Variants in APP observed in about 807,000 individuals in gnomAD.
The protein encoded by APP is amyloid beta precursor protein.
Under a neutral mutation model 101.4 loss-of-function variants are expected in APP, and 31 were observed. That is an observed-to-expected ratio of 0.31 (90% CI 0.23 to 0.41). APP has a LOEUF of 0.41. Ranked by LOEUF, APP falls within the 10% of genes least tolerant of loss-of-function variation. The pLI, the probability that APP is intolerant of heterozygous loss-of-function variation, is 1.00. For synonymous variants in APP, 366 were observed against 364.4 expected (o/e 1.00, Z -0.05); for missense variants, 839 against 1,003.7 (o/e 0.84, Z 2.22).
At chr21:25,894,856 T>C (rs2037927973) in intron 16 of APP, among the ~76,000 whole-genome samples, 1 of 152,220 alleles carries the variant, frequency 6.6e-6, no homozygotes, top group African/African-American at 2.4e-5. Flanking sequence ...TCAAACAGCA[T>C]CACATGCTAC....
intron 1 of APP, among the ~76,000 whole-genome samples, chr21:26,165,307 G>T (rs891374463): frequency 1.3e-5 from 2 of 152,096 alleles, no homozygotes; most frequent in Non-Finnish European, 2.9e-5. Flanking sequence ...ATGCCATCAG[G>T]TTACATATAT....
intron 2 of APP, among the ~76,000 whole-genome samples, chr21:26,093,881 C>T (rs371269795): frequency 7.2e-4 from 109 of 152,128 alleles, no homozygotes; most frequent in African/African-American, 2.2e-3. Context: ...TTTGGGAGGC[C>T]GAGGCGGGCG....
intron 3 of APP, among the ~76,000 whole-genome samples, chr21:26,083,307 A>G (rs2061634293): frequency 6.6e-6 from 1 of 152,254 alleles, no homozygotes; most frequent in South Asian, 2.1e-4. Flanking sequence ...TGACCATAAA[A>G]AAGAGTAAAC....
intron 6 of APP, among the ~76,000 whole-genome samples, chr21:26,007,055 T>C (rs898225562): frequency 6.6e-6 from 1 of 152,032 alleles, no homozygotes; most frequent in Non-Finnish European, 1.5e-5. Flanking sequence ...GGAACTATAT[T>C]TTCTGAACTT....
chr21:26,095,138 C>G (rs973365444), intron 2 of APP, among the ~76,000 whole-genome samples: 4 of 152,174 alleles, frequency 2.6e-5, no homozygotes, highest in African/African-American at 9.7e-5. Context: ...GCCACCGTGC[C>G]CGGCCTATAT....
intron 1 of APP, among the ~76,000 whole-genome samples, chr21:26,145,781 A>T (rs2063142498): frequency 6.6e-6 from 1 of 152,160 alleles, no homozygotes; most frequent in African/African-American, 2.4e-5. Context: ...TTTTATATAA[A>T]TTACTGTTTA....
At chr21:25,945,030 G>A (rs1600982435) in intron 13 of APP, among the ~76,000 whole-genome samples, 1 of 152,318 alleles carries the variant, frequency 6.6e-6, no homozygotes, top group South Asian at 2.1e-4. Flanking sequence ...TTTGGCGTGG[G>A]AGACCATGCC....
At chr21:25,949,304 A>C (rs1175625401) in intron 13 of APP, among the ~76,000 whole-genome samples, 1 of 152,196 alleles carries the variant, frequency 6.6e-6, no homozygotes. Context: ...CAAGTAGATG[A>C]CCAAATAGCA....
At chr21:26,138,188 A>T (rs1374207137) in intron 1 of APP, among the ~76,000 whole-genome samples, 3 of 152,188 alleles carry the variant, frequency 2.0e-5, no homozygotes, top group African/African-American at 7.2e-5. Flanking sequence ...GAATTATTTT[A>T]AAATGCTTCA....
chr21:26,098,835 G>T (rs765190198), intron 2 of APP, among the ~76,000 whole-genome samples: 1 of 152,116 alleles, frequency 6.6e-6, no homozygotes, highest in Non-Finnish European at 1.5e-5. Context: ...TTAACAAAAC[G>T]TCAATGAGTA....
chr21:26,110,488 AAGTATT>A (rs1304031549), intron 2 of APP, among the ~76,000 whole-genome samples: 1 of 152,092 alleles, frequency 6.6e-6, no homozygotes, highest in Non-Finnish European at 1.5e-5. Context: ...TAATGAACTT[AAGTATT>A]AGTGATTTCC....
At chr21:25,982,242 A>T in intron 9 of APP, 102 bp downstream of exon 9, 2 of 1,303,010 alleles carry the variant, frequency 1.5e-6, no homozygotes, top group Non-Finnish European at 2.2e-6. Context: ...TTACATCTTT[A>T]AAGATCTTGA....
chr21:25,969,859 G>C (rs7277419), intron 11 of APP, among the ~76,000 whole-genome samples: 37 of 25,878 alleles, frequency 1.4e-3, no homozygotes, highest in African/African-American at 3.6e-3. Context: ...GAAAACAAAA[G>C]AAAAGAAAAG....
At chr21:25,977,465 C>T (rs2042266125) in intron 9 of APP, among the ~76,000 whole-genome samples, 1 of 152,166 alleles carries the variant, frequency 6.6e-6, no homozygotes, top group Admixed American at 6.5e-5. Context: ...AAGGAATAGA[C>T]TCTTCTAACA....
intron 11 of APP, among the ~76,000 whole-genome samples, chr21:25,957,325 T>C (rs577892639): frequency 3.3e-5 from 5 of 152,238 alleles, no homozygotes; most frequent in East Asian, 1.9e-4. Context: ...TATATCTCTA[T>C]ATATTGAAAA....
chr21:26,095,591 A>G (rs67792436), intron 2 of APP, among the ~76,000 whole-genome samples: 12,964 of 152,254 alleles, frequency 0.085, 613 homozygotes, highest in East Asian at 0.14. Flanking sequence ...GGAAAAAAAC[A>G]TAGTATATAT....
At chr21:26,051,449 A>T (rs1265182766) in intron 4 of APP, among the ~76,000 whole-genome samples, 2 of 152,220 alleles carry the variant, frequency 1.3e-5, no homozygotes, top group African/African-American at 4.8e-5. Flanking sequence ...TATACGAACA[A>T]CTGGAATGGA....
At chr21:25,945,841 A>G (rs1460500662) in intron 13 of APP, 1 of 452,662 alleles carries the variant, frequency 2.2e-6, no homozygotes, top group East Asian at 7.1e-5. Flanking sequence ...AATAGATGTT[A>G]TCATGCCTGG....
At chr21:25,913,557 A>G (rs1033661764) in intron 13 of APP, among the ~76,000 whole-genome samples, 8 of 152,218 alleles carry the variant, frequency 5.3e-5, no homozygotes, top group African/African-American at 1.9e-4. Flanking sequence ...AGCACTTACT[A>G]TGCTAAAGAG....
Sources: gnomAD v4.1 joint callset for allele counts (sites outside exome capture counted in the v4.1 genomes callset) on GRCh38, gnomAD v4.1.1 for gene constraint, MANE v1.5 for transcripts, NCBI Gene and HGNC (gene_info 2026-07-23, HGNC 2026-07-21) for gene names.